GRID2: variants seen among roughly 807,000 people sequenced by gnomAD.
GRID2 encodes the protein glutamate ionotropic receptor delta type subunit 2.
A neutral mutation model predicts 114.8 loss-of-function variants in GRID2; 33 were observed. That is an observed-to-expected ratio of 0.29 (90% CI 0.22 to 0.38). The LOEUF (loss-of-function observed/expected upper bound fraction) is 0.38, where lower values mean the gene tolerates loss of function less well. Ranked by LOEUF, GRID2 falls within the 10% of genes least tolerant of loss-of-function variation. The pLI is 1.00. For missense variants in GRID2, 1,184 were observed against 1,257.7 expected (o/e 0.94, Z 0.89); for synonymous variants, 505 against 449.9 (o/e 1.12, Z -1.55).
chr4:92,500,663 G>A (rs1723636482), intron 1 of GRID2, among the ~76,000 whole-genome samples: 1 of 152,116 alleles, frequency 6.6e-6, no homozygotes, highest in African/African-American at 2.4e-5. Flanking sequence ...TTGGTGGGCT[G>A]TCTCTGGCTT....
chr4:92,318,014 G>C (rs1186067310), intron 1 of GRID2, among the ~76,000 whole-genome samples: 1 of 151,958 alleles, frequency 6.6e-6, no homozygotes, highest in East Asian at 1.9e-4. Context: ...TGATATTCCT[G>C]TCAATACACA....
intron 1 of GRID2, among the ~76,000 whole-genome samples, chr4:92,580,783 T>A (rs542609025): frequency 2.0e-5 from 3 of 152,052 alleles, no homozygotes; most frequent in Admixed American, 6.6e-5. Flanking sequence ...TAGAGTAAAT[T>A]GTTACAAGAA....
chr4:92,462,131 C>A (rs1283868613), intron 1 of GRID2, among the ~76,000 whole-genome samples: 1 of 151,914 alleles, frequency 6.6e-6, no homozygotes, highest in Non-Finnish European at 1.5e-5. Flanking sequence ...ATTTAAAAAC[C>A]CAAAGCAAAC....
At chr4:93,595,117 C>T (rs1437305456) in intron 13 of GRID2, among the ~76,000 whole-genome samples, 1 of 152,178 alleles carries the variant, frequency 6.6e-6, no homozygotes, top group Non-Finnish European at 1.5e-5. Context: ...GCCTGCTCTC[C>T]TCAAACAATG....
chr4:93,413,659 A>G (rs973326483), intron 9 of GRID2, among the ~76,000 whole-genome samples: 1 of 152,200 alleles, frequency 6.6e-6, no homozygotes. Flanking sequence ...GAGCAAAACA[A>G]TAAATAATTC....
intron 8 of GRID2, among the ~76,000 whole-genome samples, chr4:93,245,069 C>T (rs1259588262): frequency 1.3e-5 from 2 of 151,942 alleles, no homozygotes; most frequent in East Asian, 1.9e-4. Context: ...TATAATTATA[C>T]ATATAACTCT....
chr4:93,329,551 T>G (rs1836115), intron 8 of GRID2, among the ~76,000 whole-genome samples: 62,109 of 151,892 alleles, frequency 0.41, 12,966 homozygotes, highest in East Asian at 0.62. Context: ...TTTGGAAAGA[T>G]AGTATGAAAT....
Position 93,357,469 on chromosome 4 carries a change from G to A in GRID2, c.1246-38138G>A, listed in dbSNP as rs145740316. On this transcript the variant is annotated intron_variant, in intron 8 of 15. Coordinates refer to ENST00000282020, the MANE Select transcript of GRID2 (RefSeq NM_001510.4). ...CTTTAAATTTTTCCTATTTTTGGGG[G>A]AAGTTTTGAATGTTTTATGTTATCA... 3.6e-3 allele frequency among the ~76,000 whole-genome samples: 540 copies of A among 151,112 alleles called. 3 individuals carry two copies. Among genetic ancestry groups the A allele is most frequent in the African/African-American group, 0.012 (512 of 41,412 alleles).
At chr4:93,670,779 T>C (rs1560884679) in intron 14 of GRID2, among the ~76,000 whole-genome samples, 2 of 152,160 alleles carry the variant, frequency 1.3e-5, no homozygotes, top group Non-Finnish European at 2.9e-5. Flanking sequence ...AGATTTATTT[T>C]AAAAAAGAAC....
chr4:93,017,818 A>G (rs552157878), intron 2 of GRID2, among the ~76,000 whole-genome samples: 52 of 150,364 alleles, frequency 3.5e-4, no homozygotes, highest in Non-Finnish European at 6.5e-4. Flanking sequence ...AAAAAAAAAA[A>G]AAAAGAAAAG....
chr4:92,494,230 T>C (rs1348722596), intron 1 of GRID2, among the ~76,000 whole-genome samples: 1 of 152,052 alleles, frequency 6.6e-6, no homozygotes, highest in Non-Finnish European at 1.5e-5. Flanking sequence ...TTTTTGTTTA[T>C]TCTTTGGAGA....
At chr4:93,129,390 A>G (rs1404555107) in intron 4 of GRID2, among the ~76,000 whole-genome samples, 1 of 152,080 alleles carries the variant, frequency 6.6e-6, no homozygotes, top group African/African-American at 2.4e-5. Flanking sequence ...GTTGTTTTCT[A>G]AACTAATAGT....
At chr4:93,410,492 C>A (rs1049126834) in intron 9 of GRID2, among the ~76,000 whole-genome samples, 2 of 152,226 alleles carry the variant, frequency 1.3e-5, no homozygotes, top group African/African-American at 4.8e-5. Context: ...CCTCTCACCT[C>A]CATTGGAATC....
intron 1 of GRID2, among the ~76,000 whole-genome samples, chr4:92,541,237 T>A (rs1451138488): frequency 6.6e-6 from 1 of 151,780 alleles, no homozygotes; most frequent in African/African-American, 2.4e-5. Flanking sequence ...GGCACATGTA[T>A]ACAATGTAAC....
intron 1 of GRID2, among the ~76,000 whole-genome samples, chr4:92,448,563 AGTAC>A (rs1733590205): frequency 6.6e-6 from 1 of 152,186 alleles, no homozygotes; most frequent in Non-Finnish European, 1.5e-5. Flanking sequence ...ATAGTACACA[AGTAC>A]TAAATCCATA....
intron 14 of GRID2, among the ~76,000 whole-genome samples, chr4:93,726,902 C>T (rs1729958922): frequency 6.6e-6 from 1 of 152,080 alleles, no homozygotes; most frequent in South Asian, 2.1e-4. Flanking sequence ...CGATGGGGTT[C>T]TCTAGATATA....
At chr4:93,487,110 A>G (rs67481089) in intron 11 of GRID2, among the ~76,000 whole-genome samples, 7,917 of 151,798 alleles carry the variant, frequency 0.052, 348 homozygotes, top group African/African-American at 0.12. Context: ...AAATTTGTAC[A>G]TAAGTTATCC....
intron 14 of GRID2, among the ~76,000 whole-genome samples, chr4:93,768,156 G>T (rs1241974808): frequency 2.0e-5 from 3 of 152,158 alleles, no homozygotes; most frequent in African/African-American, 7.2e-5. Context: ...ATAGAGCTAT[G>T]GTGCACCCGT....
At chr4:93,708,500 G>C (rs368667612) in intron 14 of GRID2, among the ~76,000 whole-genome samples, 1 of 151,780 alleles carries the variant, frequency 6.6e-6, no homozygotes, top group African/African-American at 2.4e-5. Context: ...TATCTTTTCC[G>C]ATTCCCATCT....
Sources: gnomAD v4.1 joint callset for allele counts (sites outside exome capture counted in the v4.1 genomes callset) on GRCh38, gnomAD v4.1.1 for gene constraint, MANE v1.5 for transcripts, NCBI Gene and HGNC (gene_info 2026-07-23, HGNC 2026-07-21) for gene names.